The following ZNF431 variants were observed in gnomAD, a reference collection of about 807,000 sequenced individuals.
ZNF431 encodes zinc finger protein 431.
A neutral mutation model predicts 57.0 loss-of-function variants in ZNF431; 34 were observed. The observed-to-expected ratio is 0.60, with a 90% CI of 0.45 to 0.79. The LOEUF (loss-of-function observed/expected upper bound fraction) is 0.79. Among genes scored for constraint, ZNF431 ranks in the 30% least tolerant of loss-of-function variants. The pLI is 0.00. For missense variants in ZNF431, 607 were observed against 667.1 expected, an observed-to-expected ratio of 0.91 and a Z score of 0.99; for synonymous variants, 207 against 220.3, an observed-to-expected ratio of 0.94 and a Z score of 0.54.
At chr19:21,166,537 A>C in intron 3 of ZNF431, 76 bp downstream of exon 3, 1 of 1,495,534 alleles carries the variant, frequency 6.7e-7, no homozygotes, top group Non-Finnish European at 9.0e-7. Flanking sequence ...AATTTTTTTG[A>C]TAATTTATGC....
intron 2 of ZNF431, 103 bp from the exon 3 acceptor site, chr19:21,166,232 A>T: frequency 6.8e-7 from 1 of 1,480,626 alleles, no homozygotes; most frequent in Non-Finnish European, 9.1e-7. Context: ...TATAAGTCAG[A>T]ATCAGTTCTC....
In ZNF431 at chr19:21,182,610, G is replaced by A. The variant is rs1186892673; in HGVS notation, c.320-13G>A. ...TAGTAAGTTGAATAATTTGTTGTTT[G>A]TATTTCTTTCAGCTATGTGTTCTTA... On this transcript the variant is annotated splice_polypyrimidine_tract_variant and intron_variant, in intron 4 of 4. Coordinates refer to ENST00000311048, the MANE Select transcript of ZNF431 (RefSeq NM_133473.4). 6.4e-7 allele frequency: 1 copy of A among 1,573,240 alleles called. No homozygotes were observed. The highest frequency in any genetic ancestry group is 1.4e-5 in the African/African-American group (1 of 72,950).
At position 21,190,168 on chromosome 19, in the gene ZNF431, CAA is replaced by C. The variant is rs552427428; in HGVS notation, c.*6135_*6136del. 3.0e-5 allele frequency: 10 copies of C among 336,642 alleles called. No homozygotes were observed. Among genetic ancestry groups the C allele is most frequent in the South Asian group, 1.6e-4 (1 of 6,450 alleles). The allele number at this position is 336,642 out of a possible 1,614,324, so 20.9% of individuals were successfully genotyped here. On this transcript the variant is annotated 3_prime_UTR_variant, in exon 5 of 5. Transcript: ENST00000311048. ...TGGGCAACAGAGTGAGACTCGGTCT[CAA>C]GAGGGAAAATAAGGCATTTTTCTCA...
At position 21,190,466 on chromosome 19, in the gene ZNF431, C is replaced by T. The variant is rs540365388; in HGVS notation, c.*6432C>T. 2.0e-5 allele frequency: 3 copies of T among 152,062 alleles called. No homozygotes were observed. The highest frequency in any genetic ancestry group is 6.6e-5 in the Admixed American group (1 of 15,262). The allele number at this position is 152,062 out of a possible 1,614,324, so 9.4% of individuals were successfully genotyped here. A position where few individuals can be genotyped will look rare whatever the true frequency, so the allele number is the denominator to read the frequency against. ...TCACACCAACAGTGTGCAAGGATTC[C>T]GTTTTCTTCACATCTTTACCAACAC... On this transcript the variant is annotated 3_prime_UTR_variant, in exon 5 of 5. Coordinates refer to ENST00000311048, the MANE Select transcript of ZNF431 (RefSeq NM_133473.4).
chr19:21,181,116 A>G (rs1971200159), intron 4 of ZNF431, among the ~76,000 whole-genome samples: 1 of 152,026 alleles, frequency 6.6e-6, no homozygotes, highest in African/African-American at 2.4e-5. Context: ...AATAATTAAT[A>G]TTTTTTGCAC....
chr19:21,155,643 C>T (rs968281443), intron 2 of ZNF431, among the ~76,000 whole-genome samples: 3 of 152,062 alleles, frequency 2.0e-5, no homozygotes, highest in Non-Finnish European at 4.4e-5. Context: ...AGCTCAGAAG[C>T]ATAGATGAGC....
intron 2 of ZNF431, among the ~76,000 whole-genome samples, chr19:21,165,109 A>C (rs866385901): frequency 0.025 from 3,499 of 138,952 alleles, 72 homozygotes; most frequent in Non-Finnish European, 0.036. Flanking sequence ...AAAAAAAAAA[A>C]TGTTTTCCTA....
intron 2 of ZNF431, chr19:21,150,301 C>T: frequency 4.4e-6 from 2 of 457,654 alleles, no homozygotes; most frequent in Admixed American, 2.7e-5. Context: ...CCCTTTTGGG[C>T]TGGATGTCCT....
In ZNF431 at chr19:21,169,869, C is replaced by A. The variant is rs1469095496; in HGVS notation, c.319+2203C>A. 1.5e-5 allele frequency: 6 copies of A among 398,606 alleles called. No individual in the cohort carries two copies. In the East Asian group the frequency reaches 2.1e-4, roughly 14 times the overall value. The allele number at this position is 398,606 out of a possible 1,614,324, so 24.7% of individuals were successfully genotyped here. On this transcript the variant is annotated intron_variant, in intron 4 of 4. Transcript: ENST00000311048. ...AGTCAATAAACTGCTTCAGGGACCA[C>A]AGTAAAAACCAAGGTCTGTAAACCT...
chr19:21,145,915 A>G (rs1568294159), intron 2 of ZNF431, among the ~76,000 whole-genome samples: 1 of 152,186 alleles, frequency 6.6e-6, no homozygotes, highest in Non-Finnish European at 1.5e-5. Flanking sequence ...ATGTTTTACC[A>G]TGAAGTCAGC....
At position 21,189,063 on chromosome 19, in the gene ZNF431, A is replaced by T. The variant is rs1599629685; in HGVS notation, c.*5029A>T. Reference sequence around the variant, plus strand: ...GATTATCACAAAGACACAGTATTTGACACATTGTTATTCTTCTATGTTTTA... The same window carrying T: ...GATTATCACAAAGACACAGTATTTGTCACATTGTTATTCTTCTATGTTTTA... On this transcript the variant is annotated 3_prime_UTR_variant, in exon 5 of 5. Coordinates refer to ENST00000311048, the MANE Select transcript of ZNF431 (RefSeq NM_133473.4). 1 of 152,192 alleles carries T rather than the reference A, an allele frequency of 6.6e-6. No individual in the cohort carries two copies. Among genetic ancestry groups the T allele is most frequent in the South Asian group, 2.1e-4 (1 of 4,828 alleles). The allele number at this position is 152,192 out of a possible 1,614,324, so 9.4% of individuals were successfully genotyped here. A position where few individuals can be genotyped will look rare whatever the true frequency, so the allele number is the denominator to read the frequency against.
intron 2 of ZNF431, among the ~76,000 whole-genome samples, chr19:21,160,849 A>G (rs1970548459): frequency 6.6e-6 from 1 of 152,182 alleles, no homozygotes; most frequent in Admixed American, 6.5e-5. Context: ...CAAATAAACT[A>G]ATTGCTTCCA....
rs1599628452 is a variant in ZNF431, at chr19:21,187,911, T to C, written c.*3877T>C. 1 of 152,148 alleles carries C rather than the reference T, an allele frequency of 6.6e-6. No individual in the cohort carries two copies. The allele number at this position is 152,148 out of a possible 1,614,324, so 9.4% of individuals were successfully genotyped here. A position where few individuals can be genotyped will look rare whatever the true frequency, so the allele number is the denominator to read the frequency against. On this transcript the variant is annotated 3_prime_UTR_variant, in exon 5 of 5. Transcript: ENST00000311048. ...TACTTTGTAGATTTTGATGAGGAAG[T>C]TGGTATTTTTAGTGCACACAAAAAT...
intron 4 of ZNF431, among the ~76,000 whole-genome samples, chr19:21,177,929 C>T (rs990089630): frequency 6.6e-6 from 1 of 151,798 alleles, no homozygotes; most frequent in Non-Finnish European, 1.5e-5. Flanking sequence ...TTACTTTGAG[C>T]AGTATGGCCA....
Position 21,194,532 on chromosome 19 carries a change from G to C in ZNF431, c.*10498G>C, listed in dbSNP as rs1400977029. On this transcript the variant is annotated 3_prime_UTR_variant, in exon 5 of 5. Transcript: ENST00000311048. The stretch of plus-strand genomic sequence containing the variant: ...GGCCTAGGCTGGAGTGCAGTGGTGC[G>C]ATCTTGGCTCACTGTAACCTCCACC... 1.3e-5 allele frequency: 2 copies of C among 151,176 alleles called. No homozygotes were observed. The highest frequency in any genetic ancestry group is 2.9e-5 in the Non-Finnish European group (2 of 67,902). The allele number at this position is 151,176 out of a possible 1,614,324, so 9.4% of individuals were successfully genotyped here. A position where few individuals can be genotyped will look rare whatever the true frequency, so the allele number is the denominator to read the frequency against.
chr19:21,167,475 A>G (rs1970754567), intron 3 of ZNF431, 96 bp from the exon 4 acceptor site: 2 of 967,600 alleles, frequency 2.1e-6, no homozygotes, highest in Non-Finnish European at 1.4e-6. Flanking sequence ...TTAATTTTCT[A>G]AAATATTCTA....
Position 21,183,999 on chromosome 19 carries a change from AC to A in ZNF431, c.1697del (p.Thr566IlefsTer21). ...ACAAAATAATTCATACTGGAGAGAA[AC>A]TCTACAAATGTCAAGAATGTGGGAA... ...IKQNNSYWRE[T>X]LQMSRMWESL On this transcript the variant is annotated frameshift_variant, in exon 5 of 5. Coordinates refer to ENST00000311048, the MANE Select transcript of ZNF431 (RefSeq NM_133473.4). LOFTEE classifies it high-confidence loss of function. 6.3e-7 allele frequency: 1 copy of A among 1,579,388 alleles called. No individual in the cohort carries two copies. The highest frequency in any genetic ancestry group is 8.6e-7 in the Non-Finnish European group (1 of 1,167,200).
intron 2 of ZNF431, among the ~76,000 whole-genome samples, chr19:21,149,344 T>C (rs1212340867): frequency 6.6e-6 from 1 of 152,216 alleles, no homozygotes; most frequent in African/African-American, 2.4e-5. Context: ...ATGTTTATAT[T>C]TTGAAGACTT....
intron 4 of ZNF431, among the ~76,000 whole-genome samples, chr19:21,180,931 C>T (rs1435934639): frequency 6.8e-6 from 1 of 147,596 alleles, no homozygotes; most frequent in African/African-American, 2.5e-5. Context: ...CAGAGTGAGA[C>T]TCCATATCAA....
Sources: allele counts gnomAD v4.1 joint callset (sites outside exome capture counted in the v4.1 genomes callset), GRCh38; gene constraint gnomAD v4.1.1; transcripts MANE v1.5; gene names NCBI Gene and HGNC (gene_info 2026-07-23, HGNC 2026-07-21).